Variants in CEMIP observed in about 807,000 individuals in gnomAD.
The protein encoded by CEMIP is cell migration-inducing and hyaluronan-binding protein.
Under a neutral mutation model 156.9 loss-of-function variants are expected in CEMIP, and 105 were observed. The observed-to-expected ratio is 0.67, with a 90% confidence interval of 0.57 to 0.79. The LOEUF (loss-of-function observed/expected upper bound fraction) is 0.79. CEMIP is among the 30% of genes least tolerant of loss of function. CEMIP has a pLI of 0.00. For missense variants in CEMIP, 1,457 were observed against 1,769.4 expected, an observed-to-expected ratio of 0.82 and a Z score of 3.17; for synonymous variants, 676 against 668.4, an observed-to-expected ratio of 1.01 and a Z score of -0.17.
rs530634010 is a variant in CEMIP, at chr15:80,879,945, C to T, written c.380+91C>T. ...ACAGAGAGAGAGGCAAGAGGGCAAG[C>T]TTGCCTGTAAGATAGGAATCATTCT... is the stretch of plus-strand genomic sequence containing the variant. On this transcript the variant is annotated intron_variant, in intron 5 of 29. Coordinates refer to ENST00000394685, the MANE Select transcript of CEMIP (RefSeq NM_001293298.2). 4.2e-6 allele frequency: 6 copies of T among 1,442,894 alleles called. No homozygotes were observed. In the East Asian group the frequency reaches 1.4e-4, roughly 33 times the overall value. The allele number at this position is 1,442,894 out of a possible 1,614,324, so 89.4% of individuals were successfully genotyped here.
chr15:80,887,773 T>G lies in CEMIP; in HGVS notation c.868+9T>G. The G allele has an allele frequency of 6.2e-7, 1 of 1,608,948 alleles. No individual in the cohort carries two copies. Among genetic ancestry groups the G allele is most frequent in the Non-Finnish European group, 8.5e-7 (1 of 1,175,646 alleles). Reference sequence around the variant, plus strand: ...CCATATTGAATATCATGGTAATACATAGCTGGCTGGAGGCCTGATTCCCTC... The same window carrying G: ...CCATATTGAATATCATGGTAATACAGAGCTGGCTGGAGGCCTGATTCCCTC... On this transcript the variant is annotated intron_variant, in intron 8 of 29. Transcript: ENST00000394685.
chr15:80,860,406 G>A (rs112545108), intron 1 of CEMIP, among the ~76,000 whole-genome samples: 214 of 152,328 alleles, frequency 1.4e-3, no homozygotes, highest in African/African-American at 5.0e-3. Flanking sequence ...ACAGTTGTAA[G>A]TCGGGCCCAC....
At chr15:80,872,327 CGTCT>C (rs1489379713) in intron 1 of CEMIP, among the ~76,000 whole-genome samples, 1 of 152,144 alleles carries the variant, frequency 6.6e-6, no homozygotes, top group Non-Finnish European at 1.5e-5. Context: ...CGCCAAAGCC[CGTCT>C]AAGTTCTCTA....
At position 80,881,053 on chromosome 15, in the gene CEMIP, T is replaced by C. The variant is rs753198988; in HGVS notation, c.534T>C (p.Tyr178=). The change falls in exon 6 of 30, where the codon TAT becomes TAC. Residue 178 remains tyrosine (Y), a synonymous_variant. Transcript: ENST00000394685. ...CAGGTGGCATGGCAGAAGGAGGCTA[T>C]TTTTTTGAAAGGAGCTGGGGCCACC... ...LHPGGMAEGG[Y]FFERSWGHRG... 1 of 1,614,122 alleles carries C rather than the reference T, an allele frequency of 6.2e-7. No individual in the cohort carries two copies. Among genetic ancestry groups the C allele is most frequent in the South Asian group, 1.1e-5 (1 of 91,072 alleles).
intron 14 of CEMIP, among the ~76,000 whole-genome samples, chr15:80,917,860 G>T (rs926674602): frequency 6.6e-6 from 1 of 152,198 alleles, no homozygotes; most frequent in Non-Finnish European, 1.5e-5. Context: ...AGAGGATGGT[G>T]TGAGATTTCA....
intron 1 of CEMIP, among the ~76,000 whole-genome samples, chr15:80,820,108 G>A (rs1553650): frequency 0.47 from 71,927 of 151,970 alleles, 17,341 homozygotes; most frequent in Non-Finnish European, 0.52. Flanking sequence ...CCAGAATTCC[G>A]TGGGGCTGTG....
At position 80,833,319 on chromosome 15, in the gene CEMIP, A is replaced by G. The variant is rs980719618; in HGVS notation, c.-175-40219A>G. On this transcript the variant is annotated intron_variant, in intron 1 of 29. Transcript: ENST00000394685. ...CTGGGTCCCCTCCACCCACCGAGATATTGCACCCAACCCCTGTAGGCATTT... is the reference window on the plus strand; with the variant it reads ...CTGGGTCCCCTCCACCCACCGAGATGTTGCACCCAACCCCTGTAGGCATTT... 2.6e-5 allele frequency among the ~76,000 whole-genome samples: 4 copies of G among 152,066 alleles called. No individual in the cohort carries two copies. In the South Asian group the frequency reaches 8.3e-4, roughly 32 times the overall value.
At chr15:80,886,225 A>C (rs562613241) in intron 7 of CEMIP, among the ~76,000 whole-genome samples, 2 of 148,194 alleles carry the variant, frequency 1.3e-5, no homozygotes, top group South Asian at 4.2e-4. Context: ...TCGGAGGCCC[A>C]GGGGCAAAAG....
chr15:80,850,930 T>G (rs1897701996), intron 1 of CEMIP, among the ~76,000 whole-genome samples: 1 of 152,048 alleles, frequency 6.6e-6, no homozygotes, highest in Non-Finnish European at 1.5e-5. Context: ...GCTGCAGGGC[T>G]CCAGTGCCAA....
chr15:80,831,135 G>A (rs1897147473), intron 1 of CEMIP, among the ~76,000 whole-genome samples: 2 of 152,160 alleles, frequency 1.3e-5, no homozygotes, highest in South Asian at 2.1e-4. Flanking sequence ...TGTGGGAAAC[G>A]GGTGACCTCA....
At chr15:80,865,080 G>A (rs1236267773) in intron 1 of CEMIP, among the ~76,000 whole-genome samples, 1 of 152,210 alleles carries the variant, frequency 6.6e-6, no homozygotes, top group African/African-American at 2.4e-5. Flanking sequence ...TGATAAATGT[G>A]TCCTCAACCT....
chr15:80,903,738 T>G (rs894934918), intron 12 of CEMIP, among the ~76,000 whole-genome samples: 6 of 152,188 alleles, frequency 3.9e-5, no homozygotes, highest in Admixed American at 3.3e-4. Context: ...ATTCCTTTCC[T>G]TGGTGAAGTT....
intron 7 of CEMIP, 61 bp downstream of exon 7, chr15:80,884,415 T>C: frequency 6.4e-7 from 1 of 1,559,086 alleles, no homozygotes; most frequent in Non-Finnish European, 8.8e-7. Flanking sequence ...TCTATCCCAC[T>C]GAGAATTTAC....
intron 1 of CEMIP, among the ~76,000 whole-genome samples, chr15:80,848,778 G>T (rs1043356795): frequency 6.6e-6 from 1 of 152,064 alleles, no homozygotes; most frequent in African/African-American, 2.4e-5. Flanking sequence ...GTGGGGTGCA[G>T]CTGCCCAAGA....
intron 12 of CEMIP, among the ~76,000 whole-genome samples, chr15:80,900,195 G>A (rs1205084252): frequency 6.6e-6 from 1 of 152,240 alleles, no homozygotes; most frequent in African/African-American, 2.4e-5. Context: ...AGAACCTTGT[G>A]TGCGTCAGAG....
chr15:80,938,375 G>A (rs1901216889), intron 25 of CEMIP, among the ~76,000 whole-genome samples: 1 of 152,162 alleles, frequency 6.6e-6, no homozygotes, highest in African/African-American at 2.4e-5. Flanking sequence ...GGGAGGCCGA[G>A]GTGGGTGGAT....
intron 1 of CEMIP, among the ~76,000 whole-genome samples, chr15:80,788,344 G>A (rs898445052): frequency 6.6e-6 from 1 of 151,798 alleles, no homozygotes; most frequent in South Asian, 2.1e-4. Flanking sequence ...GGTGACACAT[G>A]CCTGTAATCC....
At chr15:80,908,378 T>A (rs550185242) in intron 13 of CEMIP, among the ~76,000 whole-genome samples, 2 of 152,218 alleles carry the variant, frequency 1.3e-5, no homozygotes, top group Non-Finnish European at 2.9e-5. Context: ...TTGGAAGAAA[T>A]GGTTAGCATG....
In CEMIP at chr15:80,878,731, G is replaced by T. The variant is rs1314132517; in HGVS notation, c.105G>T (p.Gly35=). The change falls in exon 4 of 30, where the codon GGG becomes GGT. Residue 35 remains glycine, a synonymous_variant. Transcript: ENST00000394685. ...CTCTGTCCTTGGCAGTGGCTGCTGGGTGCCCTGACCAGAGCCCTGAGTTGC... is the reference window on the plus strand; with the variant it reads ...CTCTGTCCTTGGCAGTGGCTGCTGGTTGCCCTGACCAGAGCCCTGAGTTGC... ...FPGATSTVAA[G]CPDQSPELQP... The T allele has an allele frequency of 1.2e-6, 2 of 1,614,022 alleles. No individual in the cohort carries two copies. The highest frequency in any genetic ancestry group is 1.7e-6 in the Non-Finnish European group (2 of 1,180,030).
Sources: gnomAD v4.1 joint callset for allele counts (sites outside exome capture counted in the v4.1 genomes callset) on GRCh38, gnomAD v4.1.1 for gene constraint, MANE v1.5 for transcripts, NCBI Gene and HGNC (gene_info 2026-07-23, HGNC 2026-07-21) for gene names.